GRIA1: variants seen among roughly 807,000 people sequenced by gnomAD.
GRIA1 encodes glutamate receptor 1.
A neutral mutation model predicts 99.2 loss-of-function variants in GRIA1; 31 were observed. That is an observed-to-expected ratio of 0.31 (90% CI 0.23 to 0.42). The LOEUF is 0.42. GRIA1 is among the 10% of genes least tolerant of loss of function. The pLI, the probability that GRIA1 is intolerant of heterozygous loss-of-function variation, is 1.00. For synonymous variants in GRIA1, 438 were observed against 432.4 expected (o/e 1.01, Z -0.16); for missense variants, 782 against 1,157.5 (o/e 0.68, Z 4.71).
chr5:153,676,920 C>T, intron 6 of GRIA1, 74 bp from the exon 7 acceptor site: 4 of 1,241,194 alleles, frequency 3.2e-6, no homozygotes, highest in Non-Finnish European at 4.2e-6. Context: ...AAAACACATT[C>T]CCAAATACAG....
intron 11 of GRIA1, among the ~76,000 whole-genome samples, chr5:153,714,216 G>A (rs993722340): frequency 6.6e-6 from 1 of 152,120 alleles, no homozygotes; most frequent in African/African-American, 2.4e-5. Flanking sequence ...ACTCCATGCA[G>A]ACCAAACAAA....
At chr5:153,779,576 T>C (rs1404187723) in intron 13 of GRIA1, among the ~76,000 whole-genome samples, 1 of 152,168 alleles carries the variant, frequency 6.6e-6, no homozygotes, top group Admixed American at 6.5e-5. Flanking sequence ...TTATTTATTT[T>C]TGAGATGGAG....
chr5:153,674,502 C>A lies in GRIA1; in HGVS notation c.702C>A (p.Gly234=), dbSNP rs759358356. ...IGYHYILANL[G]FMDIDLNKFK... ...TCTCCCTCCTCCCCCTCTCACAGGG[C>A]TTCATGGACATTGACTTAAACAAAT... Residue 234 remains glycine, a splice_region_variant and synonymous_variant, in exon 6 of 16, where the codon GGC becomes GGA. Coordinates refer to ENST00000285900, the MANE Select transcript of GRIA1 (RefSeq NM_000827.4). 1.2e-6 allele frequency: 2 copies of A among 1,614,074 alleles called. No homozygotes were observed. The highest frequency in any genetic ancestry group is 8.5e-7 in the Non-Finnish European group (1 of 1,179,946).
chr5:153,566,089 C>T (rs1323486929), intron 2 of GRIA1, among the ~76,000 whole-genome samples: 1 of 152,000 alleles, frequency 6.6e-6, no homozygotes, highest in Non-Finnish European at 1.5e-5. Context: ...TACATTCTCA[C>T]CAGCAATATA....
intron 7 of GRIA1, among the ~76,000 whole-genome samples, chr5:153,678,723 C>T (rs759060617): frequency 2.0e-5 from 3 of 152,206 alleles, no homozygotes; most frequent in South Asian, 2.1e-4. Flanking sequence ...ATCTTAATGA[C>T]GTCCTGAAAG....
chr5:153,699,116 G>C (rs745627478), intron 10 of GRIA1, 43 bp downstream of exon 10: 2 of 1,379,458 alleles, frequency 1.4e-6, no homozygotes, highest in East Asian at 2.3e-5. Flanking sequence ...CGGAGGCAGA[G>C]GGTTTGACAG....
chr5:153,667,625 C>T (rs922802210), intron 5 of GRIA1, among the ~76,000 whole-genome samples: 2 of 152,156 alleles, frequency 1.3e-5, no homozygotes, highest in African/African-American at 4.8e-5. Flanking sequence ...AAACCGTTCA[C>T]CAATCCTGTG....
chr5:153,755,652 C>T (rs1253900589), intron 11 of GRIA1: 1 of 152,254 alleles, frequency 6.6e-6, no homozygotes, highest in African/African-American at 2.4e-5. Flanking sequence ...TGCACTGCAG[C>T]CTGGGCAACA....
intron 5 of GRIA1, 108 bp downstream of exon 5, chr5:153,655,980 T>C: frequency 1.2e-6 from 1 of 856,044 alleles, no homozygotes; most frequent in South Asian, 1.3e-5. Flanking sequence ...GAAGGGGCAA[T>C]TCAGGGCTGT....
chr5:153,792,746 CTTTT>C (rs1431461351), intron 13 of GRIA1, among the ~76,000 whole-genome samples: 2 of 151,620 alleles, frequency 1.3e-5, no homozygotes, highest in African/African-American at 4.9e-5. Flanking sequence ...TTCTTTCTTT[CTTTT>C]GAGAGGGAGA....
intron 11 of GRIA1, among the ~76,000 whole-genome samples, chr5:153,752,654 T>A (rs1030929451): frequency 1.3e-5 from 2 of 152,228 alleles, no homozygotes; most frequent in African/African-American, 4.8e-5. Context: ...TATTCACTTT[T>A]ATCTCCTCAG....
chr5:153,637,299 G>T (rs1287337365), intron 2 of GRIA1, among the ~76,000 whole-genome samples: 2 of 152,106 alleles, frequency 1.3e-5, no homozygotes, highest in Non-Finnish European at 2.9e-5. Context: ...CATATTCCAG[G>T]CACATGTAAA....
chr5:153,629,833 A>C (rs1752804132), intron 2 of GRIA1, among the ~76,000 whole-genome samples: 1 of 152,208 alleles, frequency 6.6e-6, no homozygotes, highest in African/African-American at 2.4e-5. Flanking sequence ...TTAGTGGCTC[A>C]TAAGTGTGTC....
intron 2 of GRIA1, among the ~76,000 whole-genome samples, chr5:153,624,766 G>A (rs971019813): frequency 1.3e-5 from 2 of 152,156 alleles, no homozygotes; most frequent in Non-Finnish European, 2.9e-5. Flanking sequence ...ATAATCACGT[G>A]GAAAACTGTA....
intron 2 of GRIA1, among the ~76,000 whole-genome samples, chr5:153,631,385 T>A (rs746658653): frequency 3.3e-5 from 5 of 152,252 alleles, no homozygotes; most frequent in Non-Finnish European, 7.3e-5. Flanking sequence ...CATACCAGAA[T>A]CAAGAATCAA....
chr5:153,549,237 G>A (rs776988768), intron 2 of GRIA1, among the ~76,000 whole-genome samples: 1 of 152,080 alleles, frequency 6.6e-6, no homozygotes, highest in Non-Finnish European at 1.5e-5. Flanking sequence ...TCAGTGCCAG[G>A]CATGGCCAAC....
At chr5:153,779,942 G>A (rs1206671940) in intron 13 of GRIA1, among the ~76,000 whole-genome samples, 1 of 152,194 alleles carries the variant, frequency 6.6e-6, no homozygotes, top group African/African-American at 2.4e-5. Flanking sequence ...GGAAGGTGGT[G>A]AAAGCGAGGT....
chr5:153,711,073 A>G (rs1759280072), intron 11 of GRIA1, among the ~76,000 whole-genome samples: 1 of 152,224 alleles, frequency 6.6e-6, no homozygotes, highest in Admixed American at 6.5e-5. Flanking sequence ...TCTGGCTTAC[A>G]GTGAATCAAG....
intron 2 of GRIA1, among the ~76,000 whole-genome samples, chr5:153,588,933 G>A (rs1404520257): frequency 6.6e-6 from 1 of 151,912 alleles, no homozygotes; most frequent in Admixed American, 6.6e-5. Flanking sequence ...CTAATACAAT[G>A]CATGAAGCAT....
Sources: gnomAD v4.1 joint callset for allele counts (sites outside exome capture counted in the v4.1 genomes callset) on GRCh38, gnomAD v4.1.1 for gene constraint, MANE v1.5 for transcripts, NCBI Gene and HGNC (gene_info 2026-07-23, HGNC 2026-07-21) for gene names.